The following FOXP2 variants were observed in gnomAD, a reference collection of about 807,000 sequenced individuals.
FOXP2 encodes the protein forkhead box protein P2.
FOXP2 carries 12 observed loss-of-function variants against 115.8 expected under a neutral mutation model. That is an observed-to-expected ratio of 0.10 (90% CI 0.07 to 0.17). FOXP2 has a LOEUF of 0.17. Among genes scored for constraint, FOXP2 ranks in the 10% least tolerant of loss-of-function variants. FOXP2 has a pLI of 1.00. For synonymous variants in FOXP2, 328 were observed against 297.7 expected, an observed-to-expected ratio of 1.10 and a Z score of -1.05; for missense variants, 629 against 843.5, an observed-to-expected ratio of 0.75 and a Z score of 3.15.
intron 2 of FOXP2, among the ~76,000 whole-genome samples, chr7:114,344,912 T>TC (rs2129184834): frequency 6.6e-6 from 1 of 151,856 alleles, no homozygotes; most frequent in Admixed American, 6.6e-5. Context: ...TGCTGTGCAT[T>TC]CTTTTTTTAA....
At chr7:114,238,889 C>T (rs1795079905) in intron 1 of FOXP2, among the ~76,000 whole-genome samples, 1 of 150,040 alleles carries the variant, frequency 6.7e-6, no homozygotes, top group African/African-American at 2.4e-5. Flanking sequence ...TATATTTGGC[C>T]TTAGATGTCT....
At chr7:114,662,447 T>C (rs1164684733) in intron 14 of FOXP2, among the ~76,000 whole-genome samples, 1 of 152,080 alleles carries the variant, frequency 6.6e-6, no homozygotes, top group Non-Finnish European at 1.5e-5. Flanking sequence ...AAAATTGTTT[T>C]TCAAGATGGA....
At chr7:114,655,314 T>G (rs1806521591) in intron 10 of FOXP2, among the ~76,000 whole-genome samples, 1 of 151,722 alleles carries the variant, frequency 6.6e-6, no homozygotes, top group Admixed American at 6.6e-5. Flanking sequence ...TTTTTAAAAC[T>G]CCAGCAGCAT....
intron 1 of FOXP2, among the ~76,000 whole-genome samples, chr7:114,190,944 T>C (rs553566251): frequency 1.3e-5 from 2 of 152,162 alleles, no homozygotes; most frequent in Non-Finnish European, 2.9e-5. Flanking sequence ...TAATTCCTTC[T>C]TAAACAGCTT....
chr7:114,373,048 A>G (rs1366324047), intron 2 of FOXP2, among the ~76,000 whole-genome samples: 1 of 151,694 alleles, frequency 6.6e-6, no homozygotes. Context: ...GCTGAAGTGC[A>G]GTGCGGCGAT....
At chr7:114,432,194 G>A (rs919463275) in intron 2 of FOXP2, among the ~76,000 whole-genome samples, 5 of 151,968 alleles carry the variant, frequency 3.3e-5, no homozygotes, top group Admixed American at 2.0e-4. Context: ...ACATTGTTCA[G>A]TTGGAAGCAG....
chr7:114,151,512 T>TATAAA (rs1792527834), intron 1 of FOXP2, among the ~76,000 whole-genome samples: 1 of 152,144 alleles, frequency 6.6e-6, no homozygotes, highest in Non-Finnish European at 1.5e-5. Flanking sequence ...GTTTTTGTTC[T>TATAAA]TAATCATAGA....
intron 1 of FOXP2, among the ~76,000 whole-genome samples, chr7:114,182,147 A>T (rs1318549834): frequency 6.6e-6 from 1 of 152,070 alleles, no homozygotes; most frequent in Non-Finnish European, 1.5e-5. Flanking sequence ...GTTCTACTTG[A>T]TAACTGTTTC....
At chr7:114,590,023 T>C (rs1175420304) in intron 3 of FOXP2, among the ~76,000 whole-genome samples, 2 of 152,172 alleles carry the variant, frequency 1.3e-5, no homozygotes, top group Non-Finnish European at 2.9e-5. Flanking sequence ...TTCTGTAATA[T>C]TTTATTTAAA....
chr7:114,687,784 A>C (rs1054893869), intron 16 of FOXP2, among the ~76,000 whole-genome samples: 1 of 152,144 alleles, frequency 6.6e-6, no homozygotes, highest in Non-Finnish European at 1.5e-5. Context: ...TCCAACCAAA[A>C]TAAATTTACA....
chr7:114,383,643 G>T (rs959536832), intron 2 of FOXP2, among the ~76,000 whole-genome samples: 2 of 152,130 alleles, frequency 1.3e-5, no homozygotes, highest in Non-Finnish European at 2.9e-5. Context: ...AGGAGGCCAG[G>T]TTTCTCCCCC....
chr7:114,571,856 C>T (rs1390043736), intron 3 of FOXP2, among the ~76,000 whole-genome samples: 1 of 151,630 alleles, frequency 6.6e-6, no homozygotes, highest in Admixed American at 6.6e-5. Context: ...CTACACATAC[C>T]GAAGGACTAC....
chr7:114,529,294 A>G (rs548184159), intron 2 of FOXP2, among the ~76,000 whole-genome samples: 2 of 151,988 alleles, frequency 1.3e-5, no homozygotes, highest in East Asian at 1.9e-4. Context: ...TTGGAGCCAT[A>G]ATGAAATATA....
chr7:114,413,367 G>T (rs2129199123), upstream of FOXP2, among the ~76,000 whole-genome samples: 1 of 151,946 alleles, frequency 6.6e-6, no homozygotes, highest in Non-Finnish European at 1.5e-5. Context: ...AGTTACTATT[G>T]CTCATATAAT....
At chr7:114,465,761 G>C (rs1029647297) in intron 2 of FOXP2, among the ~76,000 whole-genome samples, 5 of 152,186 alleles carry the variant, frequency 3.3e-5, no homozygotes, top group Admixed American at 2.0e-4. Context: ...TGGGAAGCGA[G>C]TGTTACCAAT....
chr7:114,503,564 A>G (rs959445277), intron 2 of FOXP2, among the ~76,000 whole-genome samples: 2 of 150,968 alleles, frequency 1.3e-5, no homozygotes, highest in African/African-American at 4.8e-5. Context: ...ATCTAATTTT[A>G]TATTTCATTC....
At chr7:114,282,688 C>T (rs1220422531) in intron 1 of FOXP2, among the ~76,000 whole-genome samples, 1 of 152,102 alleles carries the variant, frequency 6.6e-6, no homozygotes, top group Non-Finnish European at 1.5e-5. Context: ...AGACAAACAT[C>T]CATGTCCTTG....
rs776509803 is a variant in FOXP2 at position 114,415,182 on chromosome 7, A to G, written c.-189A>G. On this transcript the variant is annotated 5_prime_UTR_variant, in exon 1 of 17. Coordinates refer to ENST00000350908, the MANE Select transcript of FOXP2 (RefSeq NM_014491.4). ...GGCAGAGGTGTACTCACAGTAGTGT[A>G]AATACTGCTGTAAATAGTTGTCTGA... The G allele has an allele frequency of 6.6e-6, 3 of 454,320 alleles. No homozygotes were observed. The highest frequency in any genetic ancestry group is 4.7e-5 in the South Asian group (3 of 64,476). The allele number at this position is 454,320 out of a possible 1,614,324, so 28.1% of individuals were successfully genotyped here. A position where few individuals can be genotyped will look rare whatever the true frequency, so the allele number is the denominator to read the frequency against.
intron 2 of FOXP2, among the ~76,000 whole-genome samples, chr7:114,402,942 G>A (rs1792924070): frequency 6.6e-6 from 1 of 151,962 alleles, no homozygotes; most frequent in Non-Finnish European, 1.5e-5. Context: ...TACCATGCCC[G>A]ACCACATGCA....
Sources: allele counts gnomAD v4.1 joint callset (sites outside exome capture counted in the v4.1 genomes callset), GRCh38; gene constraint gnomAD v4.1.1; transcripts MANE v1.5; gene names NCBI Gene and HGNC (gene_info 2026-07-23, HGNC 2026-07-21).